Variants in PDE4D observed in about 807,000 individuals in gnomAD.
The protein encoded by PDE4D is phosphodiesterase 4D, also known as 3',5'-cyclic-AMP phosphodiesterase 4D.
PDE4D carries 24 observed loss-of-function variants against 87.4 expected under a neutral mutation model. The ratio of observed to expected loss-of-function variants is 0.27; its 90% CI spans 0.20 to 0.39. The LOEUF is 0.39. Among genes scored for constraint, PDE4D ranks in the 10% least tolerant of loss-of-function variants. The pLI is 1.00. For missense variants in PDE4D, 714 were observed against 1,041.0 expected, an observed-to-expected ratio of 0.69 and a Z score of 4.32; for synonymous variants, 384 against 383.2, an observed-to-expected ratio of 1.00 and a Z score of -0.02.
chr5:60,036,587 A>G (rs1767823965), intron 2 of PDE4D, among the ~76,000 whole-genome samples: 2 of 152,240 alleles, frequency 1.3e-5, no homozygotes, highest in African/African-American at 2.4e-5. Context: ...AACTCTTGTT[A>G]AAAGAATATT....
chr5:59,767,667 A>G (rs1223121454), intron 1 of PDE4D, among the ~76,000 whole-genome samples: 1 of 152,222 alleles, frequency 6.6e-6, no homozygotes, highest in Non-Finnish European at 1.5e-5. Context: ...CCAGCCTGCA[A>G]CTTTCTGCGT....
At chr5:60,386,991 T>A (rs1282413080) in intron 1 of PDE4D, among the ~76,000 whole-genome samples, 1 of 152,168 alleles carries the variant, frequency 6.6e-6, no homozygotes, top group Non-Finnish European at 1.5e-5. Flanking sequence ...TCCTGCCCAT[T>A]TGCATCCTTA....
At chr5:60,368,679 A>T (rs767917396) in intron 1 of PDE4D, among the ~76,000 whole-genome samples, 10 of 152,146 alleles carry the variant, frequency 6.6e-5, no homozygotes, top group Non-Finnish European at 1.3e-4. Flanking sequence ...GGCCTGGTGG[A>T]ATGTGATTGC....
rs114091833 is a variant in PDE4D, at chr5:59,458,611, T to G, written c.456-242643A>C. ...TTGCATGTTAAAAAATAACACATTT[T>G]GGGAATTAACTGTACGATTGGTTAA... is the stretch of plus-strand genomic sequence containing the variant. On this transcript the variant is annotated intron_variant, in intron 1 of 14. Coordinates refer to ENST00000340635, the MANE Select transcript of PDE4D (RefSeq NM_001104631.2). 5.2e-3 allele frequency among the ~76,000 whole-genome samples: 796 copies of G among 152,340 alleles called. 11 individuals carry two copies. Among genetic ancestry groups the G allele is most frequent in the African/African-American group, 0.017 (712 of 41,576 alleles).
At chr5:59,365,149 G>GA (rs940501119) in intron 1 of PDE4D, among the ~76,000 whole-genome samples, 1 of 152,090 alleles carries the variant, frequency 6.6e-6, no homozygotes, top group Non-Finnish European at 1.5e-5. Context: ...TCTTATTTAA[G>GA]AAAAAATGTA....
chr5:59,453,685 GAAGAA>G, intron 1 of PDE4D, among the ~76,000 whole-genome samples: 1 of 152,284 alleles, frequency 6.6e-6, no homozygotes. Context: ...GGAAGCTGCA[GAAGAA>G]AAGGTTGAAG....
intron 1 of PDE4D, among the ~76,000 whole-genome samples, chr5:60,313,033 A>C (rs1262298602): frequency 1.3e-5 from 2 of 152,156 alleles, no homozygotes; most frequent in Non-Finnish European, 2.9e-5. Context: ...AAAAAGAGCA[A>C]ACCAACCCAA....
Position 60,456,817 on chromosome 5 carries a change from C to T in PDE4D, c.-90+31125G>A, listed in dbSNP as rs1022399737. Reference sequence around the variant, plus strand: ...TTGTAATACCTCATCCTGACACGCCCGAGTTATCCTCTGTAGGAACACAAG... The same window carrying T: ...TTGTAATACCTCATCCTGACACGCCTGAGTTATCCTCTGTAGGAACACAAG... On this transcript the variant is annotated intron_variant, in intron 1 of 16. Transcript: ENST00000502484. 5.3e-5 allele frequency among the ~76,000 whole-genome samples: 8 copies of T among 152,124 alleles called. No individual in the cohort carries two copies. The East Asian group carries it at 7.7e-4, about 15-fold the overall frequency.
intron 1 of PDE4D, among the ~76,000 whole-genome samples, chr5:59,717,116 G>A (rs1755144036): frequency 1.3e-5 from 2 of 152,268 alleles, no homozygotes; most frequent in South Asian, 4.1e-4. Context: ...TTCCTGACTA[G>A]AAGAAAATGT....
intron 1 of PDE4D, among the ~76,000 whole-genome samples, chr5:59,831,175 C>T (rs746383191): frequency 4.0e-5 from 6 of 151,682 alleles, no homozygotes; most frequent in Non-Finnish European, 8.8e-5. Context: ...ATTATTGTTG[C>T]CTGACAAGAA....
intron 1 of PDE4D, among the ~76,000 whole-genome samples, chr5:60,355,091 A>G (rs1247047693): frequency 2.0e-5 from 3 of 152,154 alleles, no homozygotes; most frequent in East Asian, 3.9e-4. Flanking sequence ...TACTGTTTAT[A>G]TTTGTTTTTA....
intron 3 of PDE4D, among the ~76,000 whole-genome samples, chr5:59,933,724 C>G (rs1030944250): frequency 6.6e-6 from 1 of 150,730 alleles, no homozygotes; most frequent in Non-Finnish European, 1.5e-5. Flanking sequence ...ATGTTTGAAG[C>G]TATATGATTC....
At chr5:59,082,145 T>G (rs80255769) in intron 5 of PDE4D, among the ~76,000 whole-genome samples, 1 of 152,172 alleles carries the variant, frequency 6.6e-6, no homozygotes, top group African/African-American at 2.4e-5. Flanking sequence ...CACAGCAGCA[T>G]GAGAATGGCC....
At chr5:60,033,468 A>C (rs1403535497) in intron 2 of PDE4D, among the ~76,000 whole-genome samples, 1 of 152,200 alleles carries the variant, frequency 6.6e-6, no homozygotes, top group African/African-American at 2.4e-5. Context: ...AAAATGTTTT[A>C]AAAGGGTGAA....
intron 2 of PDE4D, among the ~76,000 whole-genome samples, chr5:60,040,191 G>A (rs766451641): frequency 6.6e-6 from 1 of 152,162 alleles, no homozygotes; most frequent in African/African-American, 2.4e-5. Flanking sequence ...TCTTTTCTGA[G>A]TTTTTCTAAT....
At chr5:59,157,665 A>T (rs1780455730) in intron 5 of PDE4D, among the ~76,000 whole-genome samples, 1 of 152,224 alleles carries the variant, frequency 6.6e-6, no homozygotes, top group African/African-American at 2.4e-5. Context: ...CCAACCAAAC[A>T]CATAATTAGG....
At chr5:59,573,424 T>G (rs1458937997) in intron 1 of PDE4D, among the ~76,000 whole-genome samples, 1 of 152,068 alleles carries the variant, frequency 6.6e-6, no homozygotes, top group Non-Finnish European at 1.5e-5. Context: ...AGCAACTCCC[T>G]GTACCCTCCC....
chr5:59,843,318 C>A lies in PDE4D; in HGVS notation c.455+49850G>T, dbSNP rs79547537. ...TGGCCAACTCTGACATTTTCTAGTG[C>A]ACTTGCTTTTCAGTTTTTGGAGCAA... On this transcript the variant is annotated intron_variant, in intron 1 of 14. Coordinates refer to ENST00000340635, the MANE Select transcript of PDE4D (RefSeq NM_001104631.2). Among the ~76,000 whole-genome samples, 1,270 of 151,956 alleles carry A rather than the reference C, an allele frequency of 8.4e-3. 19 individuals carry two copies. Among genetic ancestry groups the A allele is most frequent in the Non-Finnish European group, 9.8e-3 (667 of 67,926 alleles).
intron 1 of PDE4D, among the ~76,000 whole-genome samples, chr5:59,709,729 G>A (rs1463492764): frequency 2.0e-5 from 3 of 152,196 alleles, no homozygotes; most frequent in African/African-American, 4.8e-5. Flanking sequence ...ACCAAAGGGA[G>A]TAGACGATTT....
Sources: gnomAD v4.1 joint callset for allele counts (sites outside exome capture counted in the v4.1 genomes callset) on GRCh38, gnomAD v4.1.1 for gene constraint, MANE v1.5 for transcripts, NCBI Gene and HGNC (gene_info 2026-07-23, HGNC 2026-07-21) for gene names.